STX2: variants seen among roughly 807,000 people sequenced by gnomAD.
STX2 encodes the protein syntaxin-2.
Under a neutral mutation model 40.6 loss-of-function variants are expected in STX2, and 27 were observed. The ratio of observed to expected loss-of-function variants is 0.66; its 90% confidence interval spans 0.49 to 0.92. STX2 has a LOEUF of 0.92. STX2 is among the 40% of genes least tolerant of loss of function. The pLI is 0.00. For synonymous variants in STX2, 123 were observed against 119.1 expected (o/e 1.03, Z -0.22); for missense variants, 328 against 366.1 (o/e 0.90, Z 0.85).
At chr12:130,815,755 A>AG (rs1400781252) in intron 3 of STX2, among the ~76,000 whole-genome samples, 2 of 152,172 alleles carry the variant, frequency 1.3e-5, no homozygotes, top group East Asian at 1.9e-4. Flanking sequence ...ACTTGTTTGT[A>AG]GGGGGGCAAG....
intron 1 of STX2, among the ~76,000 whole-genome samples, chr12:130,830,028 T>G (rs1486578102): frequency 6.6e-6 from 1 of 152,240 alleles, no homozygotes; most frequent in Non-Finnish European, 1.5e-5. Context: ...TTTGGGAAAC[T>G]GTAAACATAT....
intron 4 of STX2, among the ~76,000 whole-genome samples, chr12:130,811,642 C>A (rs1444373160): frequency 6.7e-6 from 1 of 150,184 alleles, no homozygotes; most frequent in African/African-American, 2.5e-5. Flanking sequence ...TGGGTTCACG[C>A]CATTCTCCTG....
chr12:130,795,224 G>C (rs1039571090), intron 10 of STX2, among the ~76,000 whole-genome samples: 2 of 152,092 alleles, frequency 1.3e-5, no homozygotes, highest in Non-Finnish European at 2.9e-5. Flanking sequence ...AAGGTCGAAG[G>C]ATGTTCCTTT....
chr12:130,808,773 T>C, intron 4 of STX2, 69 bp from the exon 5 acceptor site: 1 of 1,292,240 alleles, frequency 7.7e-7, no homozygotes, highest in South Asian at 1.3e-5. Context: ...TGACTTCAAA[T>C]TCCTTTTATT....
chr12:130,813,061 T>C (rs898099997), intron 3 of STX2, 30 bp from the exon 4 acceptor site: 1 of 1,308,818 alleles, frequency 7.6e-7, no homozygotes, highest in South Asian at 1.5e-5. Flanking sequence ...AAAAATAAAA[T>C]ACAGCATCTG....
At chr12:130,811,828 C>A (rs932053182) in intron 4 of STX2, among the ~76,000 whole-genome samples, 2 of 152,196 alleles carry the variant, frequency 1.3e-5, no homozygotes, top group African/African-American at 4.8e-5. Flanking sequence ...GCGTGAGCCA[C>A]CGTGCCAGGC....
At chr12:130,813,791 A>C (rs7294685) in intron 3 of STX2, among the ~76,000 whole-genome samples, 1 of 97,946 alleles carries the variant, frequency 1.0e-5, no homozygotes, top group African/African-American at 2.7e-5. Context: ...TGAAGTGACC[A>C]GAAGGGAAGG....
chr12:130,805,598 G>T (rs1349133979), intron 6 of STX2, among the ~76,000 whole-genome samples: 1 of 152,200 alleles, frequency 6.6e-6, no homozygotes, highest in Non-Finnish European at 1.5e-5. Flanking sequence ...GTGCCATGAG[G>T]TTCACGGCCA....
At chr12:130,809,388 T>C (rs951058028) in intron 4 of STX2, among the ~76,000 whole-genome samples, 1 of 152,246 alleles carries the variant, frequency 6.6e-6, no homozygotes, top group Non-Finnish European at 1.5e-5. Flanking sequence ...ACTCCGAATA[T>C]GTTTTATATA....
At chr12:130,824,603 G>A (rs1007538579) in intron 2 of STX2, among the ~76,000 whole-genome samples, 2 of 152,054 alleles carry the variant, frequency 1.3e-5, no homozygotes, top group African/African-American at 4.8e-5. Flanking sequence ...TTTTATGTCC[G>A]GGAATAACAT....
intron 1 of STX2, among the ~76,000 whole-genome samples, chr12:130,831,491 C>G (rs1267954256): frequency 6.6e-6 from 1 of 152,078 alleles, no homozygotes; most frequent in Admixed American, 6.5e-5. Context: ...ATGGTGATAC[C>G]CCATTTTTGG....
At position 130,808,694 on chromosome 12, in the gene STX2, T is replaced by A; in HGVS notation, c.291A>T (p.Gln97His). The change falls in exon 5 of 11, where the codon CAA (glutamine) becomes CAT (histidine). Residue 97 changes from glutamine to histidine, a missense_variant. Gln to His is a conservative substitution (Grantham distance 24). Transcript: ENST00000392373. ...TCCCACTCTCATCCTGATCAAAACT[T>A]TGTTCAATAGCTAGGAACAAATAGG... is the stretch of plus-strand genomic sequence containing the variant. ...KIRAKLKAIE[Q>H]SFDQDESGNR... 6.2e-7 allele frequency: 1 copy of A among 1,611,780 alleles called. No individual in the cohort carries two copies.
At chr12:130,836,598 T>C (rs1378100261) in intron 1 of STX2, among the ~76,000 whole-genome samples, 1 of 152,102 alleles carries the variant, frequency 6.6e-6, no homozygotes, top group Non-Finnish European at 1.5e-5. Flanking sequence ...TATAACTCCC[T>C]AAAAACAAAA....
chr12:130,809,549 G>A (rs1951567102), intron 4 of STX2, among the ~76,000 whole-genome samples: 2 of 152,214 alleles, frequency 1.3e-5, no homozygotes, highest in South Asian at 2.1e-4. Flanking sequence ...GGGTGCAGTG[G>A]CTCACGCCTG....
rs537676734 is a variant in STX2, at chr12:130,800,097, G to A, written c.675+1056C>T. The stretch of plus-strand genomic sequence containing the variant: ...AGGATGGTTTGATATAAATGCTTCC[G>A]CTTCACCTGGTGGTCAGCTGAATCC... On this transcript the variant is annotated intron_variant, in intron 8 of 10. Coordinates refer to ENST00000392373, the MANE Select transcript of STX2 (RefSeq NM_194356.4). Among the ~76,000 whole-genome samples, 9 of 152,174 alleles carry A rather than the reference G, an allele frequency of 5.9e-5. No individual in the cohort carries two copies. In the South Asian group the frequency reaches 1.0e-3, roughly 18 times the overall value.
At chr12:130,812,697 G>A (rs892796011) in intron 4 of STX2, 2 of 368,828 alleles carry the variant, frequency 5.4e-6, no homozygotes, top group African/African-American at 2.1e-5. Flanking sequence ...CATTCAAGAA[G>A]AGCCTGGCAA....
At position 130,796,010 on chromosome 12, in the gene STX2, G is replaced by C. The variant is rs373151734; in HGVS notation, c.*30C>G. The C allele has an allele frequency of 6.2e-7, 1 of 1,609,346 alleles. No homozygotes were observed. The highest frequency in any genetic ancestry group is 2.2e-5 in the East Asian group (1 of 44,840). ...AGTTACTTACTCCCACCCTGGCAGAGAGGCATGCACACTGACGTTATCCAC... is the reference window on the plus strand; with the variant it reads ...AGTTACTTACTCCCACCCTGGCAGACAGGCATGCACACTGACGTTATCCAC... On this transcript the variant is annotated 3_prime_UTR_variant, in exon 10 of 11. Transcript: ENST00000392373.
intron 3 of STX2, among the ~76,000 whole-genome samples, chr12:130,818,183 A>ATATAT (rs1184546368): frequency 1.6e-3 from 33 of 20,312 alleles, no homozygotes; most frequent in Non-Finnish European, 2.3e-3. Context: ...AAAAAAAAAA[A>ATATAT]AAATATATAT....
intron 2 of STX2, among the ~76,000 whole-genome samples, chr12:130,825,357 T>C (rs1178928883): frequency 6.6e-6 from 1 of 152,204 alleles, no homozygotes; most frequent in African/African-American, 2.4e-5. Flanking sequence ...GACTTTTCTA[T>C]TAAATGCAAC....
Sources: gnomAD v4.1 joint callset for allele counts (sites outside exome capture counted in the v4.1 genomes callset) on GRCh38, gnomAD v4.1.1 for gene constraint, MANE v1.5 for transcripts, NCBI Gene and HGNC (gene_info 2026-07-23, HGNC 2026-07-21) for gene names.